Variants in SLC1A7 observed in about 807,000 individuals in gnomAD.
The protein encoded by SLC1A7 is excitatory amino acid transporter 5.
A neutral mutation model predicts 47.7 loss-of-function variants in SLC1A7; 40 were observed. The ratio of observed to expected loss-of-function variants is 0.84; its 90% CI spans 0.65 to 1.09. SLC1A7 has a LOEUF of 1.09. Ranked by LOEUF, SLC1A7 falls within the 50% of genes least tolerant of loss-of-function variation. The pLI is 0.00. For synonymous variants in SLC1A7, 323 were observed against 325.6 expected, an observed-to-expected ratio of 0.99 and a Z score of 0.09; for missense variants, 746 against 769.5, an observed-to-expected ratio of 0.97 and a Z score of 0.36.
At chr1:53,103,787 T>C (rs1191536733) in intron 4 of SLC1A7, among the ~76,000 whole-genome samples, 1 of 152,086 alleles carries the variant, frequency 6.6e-6, no homozygotes, top group Non-Finnish European at 1.5e-5. Flanking sequence ...CCAGCCACGC[T>C]GCCTCCTGCC....
chr1:53,093,001 T>A (rs1644442679), intron 6 of SLC1A7, among the ~76,000 whole-genome samples: 1 of 151,768 alleles, frequency 6.6e-6, no homozygotes, highest in Non-Finnish European at 1.5e-5. Context: ...TGCCACTCCT[T>A]CCCCCGCCCT....
At chr1:53,107,427 T>G (rs529725699) in intron 3 of SLC1A7, among the ~76,000 whole-genome samples, 4 of 152,282 alleles carry the variant, frequency 2.6e-5, no homozygotes, top group African/African-American at 9.6e-5. Context: ...TTGTACCAAT[T>G]TAATTTCTCA....
rs1644388796 is a variant in SLC1A7 at position 53,088,896 on chromosome 1, G to C, written c.1445C>G (p.Ala482Gly). Residue 482 changes from alanine (A) to glycine (G), a missense_variant, in exon 10 of 11, where the codon GCC (alanine) becomes GGC (glycine). Ala to Gly is a moderately conservative substitution (Grantham distance 60, BLOSUM62 0). Transcript: ENST00000371494. Reference sequence around the variant, plus strand: ...TCTCACCTCGGTGCCTGTGTCCCGGGCAAAATCCTTCCGACATATATGGGC... The same window carrying C: ...TCTCACCTCGGTGCCTGTGTCCCGGCCAAAATCCTTCCGACATATATGGGC... ...IMAHICRKDF[A>G]RDTGTEKLLP... 6.2e-7 allele frequency: 1 copy of C among 1,613,870 alleles called. No individual in the cohort carries two copies. The highest frequency in any genetic ancestry group is 1.3e-5 in the African/African-American group (1 of 75,038).
In SLC1A7 at chr1:53,090,715, T is replaced by C; in HGVS notation, c.1123A>G (p.Thr375Ala). The change falls in exon 8 of 11, where the codon ACC becomes GCC. Residue 375 changes from threonine to alanine, a missense_variant. Physicochemically the swap from Thr to Ala is moderately conservative, Grantham distance 58. Transcript: ENST00000371494. ...AGCGCAGTGCCGTCCATGTTGATGG[T>C]GGCACCCACGGGCAGCACGAAGCGA... ...IARFVLPVGATINMDGTALYE... is the reference protein window; with the variant it reads ...IARFVLPVGAAINMDGTALYE... 2 of 1,614,078 alleles carry C rather than the reference T, an allele frequency of 1.2e-6. No individual in the cohort carries two copies. Among genetic ancestry groups the C allele is most frequent in the Non-Finnish European group, 1.7e-6 (2 of 1,179,992 alleles).
intron 2 of SLC1A7, 74 bp from the exon 3 acceptor site, chr1:53,115,047 C>T (rs1644743241): frequency 1.7e-6 from 2 of 1,176,674 alleles, no homozygotes; most frequent in Admixed American, 3.8e-5. Flanking sequence ...TCACTCAGCC[C>T]CTCCTGGCCA....
intron 1 of SLC1A7, among the ~76,000 whole-genome samples, chr1:53,135,087 C>A (rs1221082163): frequency 1.3e-5 from 2 of 152,168 alleles, no homozygotes; most frequent in South Asian, 4.1e-4. Flanking sequence ...CTTAGCACAG[C>A]GCCTGGATGA....
intron 7 of SLC1A7, 39 bp from the exon 8 acceptor site, chr1:53,090,845 T>C (rs1557665867): frequency 6.4e-7 from 1 of 1,574,782 alleles, no homozygotes; most frequent in Non-Finnish European, 8.6e-7. Context: ...AGCACCCTCC[T>C]CCAGGATGGC....
intron 1 of SLC1A7, among the ~76,000 whole-genome samples, chr1:53,136,619 TAAAC>T (rs1645000381): frequency 4.7e-5 from 5 of 107,290 alleles, no homozygotes; most frequent in African/African-American, 1.4e-4. Context: ...ATAATATATA[TAAAC>T]ATATATAATA....
intron 4 of SLC1A7, 89 bp downstream of exon 4, chr1:53,105,643 G>A: frequency 9.7e-7 from 1 of 1,033,952 alleles, no homozygotes; most frequent in East Asian, 2.4e-5. Context: ...CAGCACACCT[G>A]TCACTTCCCA....
chr1:53,142,273 C>T lies in SLC1A7; in HGVS notation c.135+42G>A, dbSNP rs556624279. On this transcript the variant is annotated intron_variant, in intron 1 of 10. Transcript: ENST00000371494. ...ACCCCAGATCCCTCAGGCCCACACG[C>T]CCCTCCTGGACAGGGGTCCCGAGAT... The T allele has an allele frequency of 5.8e-6, 9 of 1,542,238 alleles. No homozygotes were observed. The East Asian group carries it at 1.2e-4, about 21-fold the overall frequency.
intron 2 of SLC1A7, among the ~76,000 whole-genome samples, chr1:53,121,898 G>A (rs1235082456): frequency 4.6e-5 from 7 of 152,242 alleles, no homozygotes; most frequent in African/African-American, 1.4e-4. Flanking sequence ...GGTGGAGGCT[G>A]CTGCAGACCT....
At chr1:53,112,038 C>A (rs889563781) in intron 3 of SLC1A7, among the ~76,000 whole-genome samples, 3 of 152,208 alleles carry the variant, frequency 2.0e-5, no homozygotes, top group African/African-American at 7.2e-5. Context: ...TCGATGGCCT[C>A]GGTTTGTAGA....
In SLC1A7 at chr1:53,098,524, T is replaced by C. The variant is rs764640493; in HGVS notation, c.697+4822A>G. On this transcript the variant is annotated intron_variant, in intron 5 of 10. Transcript: ENST00000371494. ...CACTCAAACTGCCTCAGAACACTCA[T>C]ATGCCCTGCCTCAGTACACTCACAC... Among the ~76,000 whole-genome samples the C allele has an allele frequency of 8.1e-5, 11 of 135,348 alleles. No individual in the cohort carries two copies. The South Asian group carries it at 1.2e-3, about 15-fold the overall frequency. The allele number at this position is 135,348 out of a possible 152,430, so 88.8% of individuals were successfully genotyped here. A position where few individuals can be genotyped will look rare whatever the true frequency, so the allele number is the denominator to read the frequency against.
At chr1:53,134,538 C>T in intron 1 of SLC1A7, 109 bp from the exon 2 acceptor site, 9 of 656,972 alleles carry the variant, frequency 1.4e-5, no homozygotes, top group Middle Eastern at 5.1e-4. Flanking sequence ...CTGTCTAGCA[C>T]ATGGCAGCAG....
intron 5 of SLC1A7, 110 bp from the exon 6 acceptor site, chr1:53,093,670 C>G (rs999256318): frequency 2.0e-4 from 142 of 705,962 alleles, no homozygotes; most frequent in Non-Finnish European, 3.1e-4. Context: ...GCACTCCCCC[C>G]ACTCCCCCCA....
chr1:53,090,949 A>G (rs1369193215), intron 7 of SLC1A7, 143 bp from the exon 8 acceptor site: 1 of 1,526,232 alleles, frequency 6.6e-7, no homozygotes, highest in East Asian at 2.5e-5. Flanking sequence ...GGAGGTAAGG[A>G]CCGCGGGCAC....
At chr1:53,105,796 G>T (rs537574884) in intron 3 of SLC1A7, 22 bp from the exon 4 acceptor site, 1 of 1,611,580 alleles carries the variant, frequency 6.2e-7, no homozygotes. Flanking sequence ...ATCAGCAATT[G>T]AAAAATTCCA....
chr1:53,142,527 T>C lies in SLC1A7; in HGVS notation c.-78A>G, dbSNP rs755888899. The C allele has an allele frequency of 4.6e-6, 7 of 1,518,926 alleles. No homozygotes were observed. Among genetic ancestry groups the C allele is most frequent in the Non-Finnish European group, 5.3e-6 (6 of 1,127,210 alleles). The allele number at this position is 1,518,926 out of a possible 1,614,324, so 94.1% of individuals were successfully genotyped here. Reference sequence around the variant, plus strand: ...CCGGCCGGGGGCACAGGGTCTGGGCTGAGGGCTCTAGCCCCTCAGCAGGCA... The same window carrying C: ...CCGGCCGGGGGCACAGGGTCTGGGCCGAGGGCTCTAGCCCCTCAGCAGGCA... On this transcript the variant is annotated 5_prime_UTR_variant, in exon 1 of 11. Coordinates refer to ENST00000371494, the MANE Select transcript of SLC1A7 (RefSeq NM_006671.6).
At chr1:53,108,439 GTCCT>G in intron 3 of SLC1A7, 1 of 624,284 alleles carries the variant, frequency 1.6e-6, no homozygotes, top group East Asian at 2.8e-5. Context: ...CCATTCTCCC[GTCCT>G]TCCTTAACAG....
Sources: allele counts gnomAD v4.1 joint callset (sites outside exome capture counted in the v4.1 genomes callset), GRCh38; gene constraint gnomAD v4.1.1; transcripts MANE v1.5; gene names NCBI Gene and HGNC (gene_info 2026-07-23, HGNC 2026-07-21).